Variants in MAP3K9 observed in about 807,000 individuals in gnomAD.
MAP3K9 encodes the protein mitogen-activated protein kinase kinase kinase 9.
In MAP3K9, 46 loss-of-function variants were observed where a neutral mutation model predicts 95.8. The ratio of observed to expected loss-of-function variants is 0.48; its 90% confidence interval spans 0.38 to 0.61. The LOEUF (loss-of-function observed/expected upper bound fraction) is 0.61, where lower values mean the gene tolerates loss of function less well. MAP3K9 is among the 20% of genes least tolerant of loss of function. The probability of loss-of-function intolerance (pLI) is 0.00; values close to 1 mark genes in which losing one functional copy is unlikely to be tolerated. For missense variants in MAP3K9, 1,296 were observed against 1,474.3 expected (o/e 0.88, Z 1.98); for synonymous variants, 533 against 593.8 (o/e 0.90, Z 1.49).
At chr14:70,784,207 C>A (rs537029786) in intron 2 of MAP3K9, among the ~76,000 whole-genome samples, 1 of 152,034 alleles carries the variant, frequency 6.6e-6, no homozygotes, top group South Asian at 2.1e-4. Flanking sequence ...CGCTTGAACC[C>A]GGGAGGTGGA....
chr14:70,758,598 G>C (rs1274456877), intron 3 of MAP3K9, among the ~76,000 whole-genome samples: 1 of 152,100 alleles, frequency 6.6e-6, no homozygotes. Context: ...AGCTTGTGTT[G>C]TACACAAGTG....
At position 70,724,569 on chromosome 14, in the gene MAP3K9, T is replaced by A. The variant is rs1280676166; in HGVS notation, c.*5811A>T. On this transcript the variant is annotated 3_prime_UTR_variant, in exon 12 of 12. Transcript: ENST00000554752. ...AAAAAAAGAGCCTCAGTAATCAAGG[T>A]AAATCATATTGCAATGCAGTATTTT... 6.6e-6 allele frequency: 1 copy of A among 150,994 alleles called. No homozygotes were observed. The allele number at this position is 150,994 out of a possible 1,614,324, so 9.4% of individuals were successfully genotyped here. A position where few individuals can be genotyped will look rare whatever the true frequency, so the allele number is the denominator to read the frequency against.
intron 5 of MAP3K9, 58 bp downstream of exon 5, chr14:70,748,771 C>T (rs1943697573): frequency 2.1e-6 from 3 of 1,427,384 alleles, no homozygotes; most frequent in South Asian, 2.6e-5. Flanking sequence ...TCTACCAATT[C>T]AATGCATGCC....
chr14:70,778,011 AAG>A (rs1188215289), intron 2 of MAP3K9, among the ~76,000 whole-genome samples: 1 of 152,096 alleles, frequency 6.6e-6, no homozygotes, highest in Admixed American at 6.5e-5. Flanking sequence ...AGGAAAGGAA[AAG>A]AGAGGGATAA....
At chr14:70,758,761 A>T (rs1304419494) in intron 3 of MAP3K9, among the ~76,000 whole-genome samples, 3 of 152,062 alleles carry the variant, frequency 2.0e-5, no homozygotes, top group Non-Finnish European at 4.4e-5. Flanking sequence ...TACAACATGG[A>T]TGAATCTTTT....
chr14:70,739,008 A>G (rs866725689), intron 7 of MAP3K9, among the ~76,000 whole-genome samples: 21 of 152,182 alleles, frequency 1.4e-4, no homozygotes, highest in Middle Eastern at 3.2e-3. Flanking sequence ...AAAAACAAGG[A>G]GTTGAAGGGG....
rs138175490 is a variant in MAP3K9, at chr14:70,723,650, C to T, written c.*6730G>A. The T allele has an allele frequency of 6.6e-6, 1 of 152,198 alleles. No homozygotes were observed. The highest frequency in any genetic ancestry group is 2.4e-5 in the African/African-American group (1 of 41,538). 9.4% of individuals were successfully genotyped at this position (152,198 alleles called of 1,614,324 possible). A position where few individuals can be genotyped will look rare whatever the true frequency, so the allele number is the denominator to read the frequency against. ...GCAACTTGCTTCCTAGCTGTGTGAC[C>T]CTGGGCAAATTACAGAGCCATCAGA... On this transcript the variant is annotated 3_prime_UTR_variant, in exon 12 of 12. Transcript: ENST00000554752.
intron 2 of MAP3K9, 22 bp downstream of exon 2, chr14:70,800,645 A>AGCCCCATCTCTTCATACTCACTGTT: frequency 6.2e-7 from 1 of 1,604,354 alleles, no homozygotes; most frequent in South Asian, 1.1e-5. Context: ...GAGCCCCTCC[A>AGCCCCATCTCTTCATACTCACTGTT]GCCCCATCTC....
At chr14:70,765,683 G>A (rs1039366549) in intron 2 of MAP3K9, among the ~76,000 whole-genome samples, 1 of 149,752 alleles carries the variant, frequency 6.7e-6, no homozygotes, top group African/African-American at 2.5e-5. Context: ...GCTTCCCTGG[G>A]CCATATTGGA....
At chr14:70,796,147 T>C (rs1256427570) in intron 2 of MAP3K9, among the ~76,000 whole-genome samples, 2 of 152,152 alleles carry the variant, frequency 1.3e-5, no homozygotes, top group Non-Finnish European at 2.9e-5. Context: ...TGAAGTCATC[T>C]ACCTGCCCCC....
chr14:70,756,120 C>T (rs984041540), intron 3 of MAP3K9, among the ~76,000 whole-genome samples: 6 of 152,116 alleles, frequency 3.9e-5, no homozygotes, highest in African/African-American at 9.7e-5. Context: ...CTTGTTCTTT[C>T]GGTGGAGAAA....
At chr14:70,768,454 G>A (rs748942640) in intron 2 of MAP3K9, among the ~76,000 whole-genome samples, 1 of 152,092 alleles carries the variant, frequency 6.6e-6, no homozygotes, top group Non-Finnish European at 1.5e-5. Context: ...AAAATGCTGA[G>A]CCTAAGGCCT....
intron 2 of MAP3K9, among the ~76,000 whole-genome samples, chr14:70,782,706 T>G (rs2054696589): frequency 6.6e-6 from 1 of 152,218 alleles, no homozygotes; most frequent in Non-Finnish European, 1.5e-5. Context: ...TTTCAGTCTA[T>G]GATATGGATG....
intron 2 of MAP3K9, among the ~76,000 whole-genome samples, chr14:70,764,192 C>CAAAAATAAAAAA (rs2054415540): frequency 3.3e-5 from 1 of 29,856 alleles, no homozygotes; most frequent in Non-Finnish European, 6.2e-5. Flanking sequence ...GACTCCGTCT[C>CAAAAATAAAAAA]AAAAAAAAAA....
Position 70,730,308 on chromosome 14 carries a change from G to A in MAP3K9, c.*72C>T. ...TGGATCTCAGGGGGTCCAACCCTGA[G>A]AAAGGGCTGTGCCCGCCAGCTCCCC... On this transcript the variant is annotated 3_prime_UTR_variant, in exon 12 of 12. Transcript: ENST00000554752. 1 of 1,539,124 alleles carries A rather than the reference G, an allele frequency of 6.5e-7. No individual in the cohort carries two copies. The highest frequency in any genetic ancestry group is 8.8e-7 in the Non-Finnish European group (1 of 1,141,048).
In MAP3K9 at chr14:70,724,514, C is replaced by A. The variant is rs2053793802; in HGVS notation, c.*5866G>T. The A allele has an allele frequency of 7.1e-6, 1 of 141,700 alleles. No individual in the cohort carries two copies. 8.8% of individuals were successfully genotyped at this position (141,700 alleles called of 1,614,324 possible). On this transcript the variant is annotated 3_prime_UTR_variant, in exon 12 of 12. Coordinates refer to ENST00000554752, the MANE Select transcript of MAP3K9 (RefSeq NM_001284230.2). ...GGTATAGAGTGGAGTGAGGCCCTCA[C>A]CTTGGGTTAAAATTTAAAGGGGTGC...
chr14:70,801,804 A>C (rs2054933523), intron 1 of MAP3K9, among the ~76,000 whole-genome samples: 1 of 152,208 alleles, frequency 6.6e-6, no homozygotes, highest in Admixed American at 6.5e-5. Context: ...GAGAGATCTC[A>C]GGCGATGAAG....
intron 1 of MAP3K9, among the ~76,000 whole-genome samples, chr14:70,807,746 C>T (rs1386224370): frequency 6.6e-6 from 1 of 151,770 alleles, no homozygotes; most frequent in African/African-American, 2.4e-5. Flanking sequence ...GTGTAAACTG[C>T]ACTAAAGAGA....
chr14:70,761,264 C>G, intron 2 of MAP3K9, 82 bp from the exon 3 acceptor site: 1 of 1,139,892 alleles, frequency 8.8e-7, no homozygotes, highest in Non-Finnish European at 1.2e-6. Flanking sequence ...TTCTGCCATC[C>G]TCCTGGCCTC....
Sources: gnomAD v4.1 joint callset for allele counts (sites outside exome capture counted in the v4.1 genomes callset) on GRCh38, gnomAD v4.1.1 for gene constraint, MANE v1.5 for transcripts, NCBI Gene and HGNC (gene_info 2026-07-23, HGNC 2026-07-21) for gene names.